SAA4: variants seen among roughly 807,000 people sequenced by gnomAD.
SAA4 encodes serum amyloid A-4 protein.
SAA4 carries 8 observed loss-of-function variants against 11.2 expected under a neutral mutation model. That is an observed-to-expected ratio of 0.71 (90% CI 0.42 to 1.29). The LOEUF (loss-of-function observed/expected upper bound fraction) is 1.29. Among genes scored for constraint, SAA4 ranks in the 50% most tolerant of loss-of-function variants. The probability of loss-of-function intolerance (pLI) is 0.01; values close to 1 mark genes in which losing one functional copy is unlikely to be tolerated. For missense variants in SAA4, 171 were observed against 164.2 expected (o/e 1.04, Z -0.23); for synonymous variants, 60 against 56.2 (o/e 1.07, Z -0.30).
intron 1 of SAA4, 72 bp from the exon 2 acceptor site, chr11:18,236,002 T>C: frequency 1.4e-6 from 2 of 1,381,212 alleles, no homozygotes; most frequent in Non-Finnish European, 2.0e-6. Flanking sequence ...GGACTGAATT[T>C]CTTTCCTTTT....
intron 2 of SAA4, 65 bp downstream of exon 2, chr11:18,235,771 T>C: frequency 6.6e-7 from 1 of 1,504,690 alleles, no homozygotes; most frequent in South Asian, 1.2e-5. Context: ...TCACATCCAG[T>C]GAGTATGTGG....
At chr11:18,231,697 T>C (rs753238824) in intron 3 of SAA4, 33 bp from the exon 4 acceptor site, 107 of 1,590,158 alleles carry the variant, frequency 6.7e-5, no homozygotes, top group Non-Finnish European at 8.0e-5. Flanking sequence ...AGGAGATTAA[T>C]CTCTTGACTC....
chr11:18,232,267 T>A, intron 3 of SAA4, 128 bp downstream of exon 3: 1 of 1,405,328 alleles, frequency 7.1e-7, no homozygotes, highest in Non-Finnish European at 9.6e-7. Context: ...CCAGCCTTGC[T>A]CTGGCTCTGC....
rs372737784 is a variant in SAA4 at position 18,231,644 on chromosome 11, T to C, written c.251A>G (p.Gln84Arg). ...AAATAAATAGCAGTCTATTAATCCC[T>C]GAAGATAGACCCTGGAACGGCTGCA... Reference protein sequence around the residue: ...KLISRSRVYLQGLIDCYLFGN... With the variant: ...KLISRSRVYLRGLIDCYLFGN... Residue 84 changes from glutamine (Q) to arginine (R), a missense_variant, in exon 4 of 4, where the codon CAG (glutamine) becomes CGG (arginine). Physicochemically the swap from Gln to Arg is conservative, Grantham distance 43 (BLOSUM62 1). Coordinates refer to ENST00000278222, the MANE Select transcript of SAA4 (RefSeq NM_006512.4). 7 of 1,613,316 alleles carry C rather than the reference T, an allele frequency of 4.3e-6. No homozygotes were observed. Among genetic ancestry groups the C allele is most frequent in the Non-Finnish European group, 5.9e-6 (7 of 1,179,772 alleles).
Position 18,231,650 on chromosome 11 carries a change from T to C in SAA4, c.245A>G (p.Tyr82Cys), listed in dbSNP as rs151010093. The stretch of plus-strand genomic sequence containing the variant: ...ATAGCAGTCTATTAATCCCTGAAGA[T>C]AGACCCTGGAACGGCTGCAACCCAA... ...AAKLISRSRV[Y>C]LQGLIDCYLF... The change falls in exon 4 of 4, where the codon TAT (tyrosine) becomes TGT (cysteine). Residue 82 changes from tyrosine to cysteine, a missense_variant. Tyr to Cys is a radical substitution (Grantham distance 194). Transcript: ENST00000278222. 5.1e-5 allele frequency: 82 copies of C among 1,613,338 alleles called. No individual in the cohort carries two copies. In the African/African-American group the frequency reaches 9.7e-4, roughly 19 times the overall value.
At chr11:18,235,443 T>C (rs577862749) in intron 2 of SAA4, among the ~76,000 whole-genome samples, 8 of 152,310 alleles carry the variant, frequency 5.3e-5, no homozygotes, top group Admixed American at 4.6e-4. Context: ...GGATGGGATT[T>C]CTCTACTCTC....
At position 18,231,757 on chromosome 11, in the gene SAA4, A is replaced by T; in HGVS notation, c.231-93T>A. The T allele has an allele frequency of 2.1e-6, 3 of 1,454,688 alleles. No homozygotes were observed. The African/African-American group carries it at 4.3e-5, about 21-fold the overall frequency. The allele number at this position is 1,454,688 out of a possible 1,614,324, so 90.1% of individuals were successfully genotyped here. On this transcript the variant is annotated intron_variant, in intron 3 of 3. Transcript: ENST00000278222. ...CCTGCTAACTCCCTCCTCTTCTCCCACCCAAGTAATGACTGAGAGGAGGCT... is the reference window on the plus strand; with the variant it reads ...CCTGCTAACTCCCTCCTCTTCTCCCTCCCAAGTAATGACTGAGAGGAGGCT...
chr11:18,233,388 A>G (rs1857164686), intron 2 of SAA4, among the ~76,000 whole-genome samples: 1 of 152,228 alleles, frequency 6.6e-6, no homozygotes, highest in African/African-American at 2.4e-5. Context: ...CCTATTAGTG[A>G]AGGGCAGTAG....
At chr11:18,231,798 AG>A in intron 3 of SAA4, 134 bp from the exon 4 acceptor site, 1 of 1,147,140 alleles carries the variant, frequency 8.7e-7, no homozygotes, top group Non-Finnish European at 1.2e-6. Flanking sequence ...ACTCAAGGAA[AG>A]GGGAAGAAAA....
In SAA4 at chr11:18,231,500, G is replaced by GCT. The variant is rs1191635795; in HGVS notation, c.393_*1dup. ...TTCCCTGAGAGCAGAGGAGCAGGAA[G>GCT]CTCAGTATTTCTTAGGCAGGCCGTC... is the stretch of plus-strand genomic sequence containing the variant. On this transcript the variant is annotated 3_prime_UTR_variant, in exon 4 of 4. Coordinates refer to ENST00000278222, the MANE Select transcript of SAA4 (RefSeq NM_006512.4). The GCT allele has an allele frequency of 2.5e-6, 4 of 1,611,234 alleles. No homozygotes were observed. The African/African-American group carries it at 5.3e-5, about 22-fold the overall frequency.
Position 18,232,517 on chromosome 11 carries a change from G to A in SAA4, c.108C>T (p.Gly36=), listed in dbSNP as rs766085989. The A allele has an allele frequency of 1.9e-6, 3 of 1,613,834 alleles. No individual in the cohort carries two copies. The East Asian group carries it at 6.7e-5, about 36-fold the overall frequency. ...KEALQGVGDM[G]RAYWDIMISN... is the part of the protein sequence containing the mutation. The stretch of plus-strand genomic sequence containing the variant: ...ATATCATTATGTCCCAATAGGCTCT[G>A]CCCATGTCCCCAACCCCTGGAAAGA... The change falls in exon 3 of 4, where the codon GGC becomes GGT. Residue 36 remains glycine (G), a synonymous_variant. Coordinates refer to ENST00000278222, the MANE Select transcript of SAA4 (RefSeq NM_006512.4).
intron 2 of SAA4, among the ~76,000 whole-genome samples, chr11:18,233,359 T>G (rs1481221974): frequency 6.6e-6 from 1 of 152,188 alleles, no homozygotes; most frequent in African/African-American, 2.4e-5. Context: ...GAATACTTGA[T>G]GCAAATTGGA....
intron 2 of SAA4, among the ~76,000 whole-genome samples, chr11:18,233,644 T>G (rs1343404166): frequency 6.6e-6 from 1 of 151,490 alleles, no homozygotes; most frequent in African/African-American, 2.4e-5. Context: ...CCTGAGTAGC[T>G]GGGACTACAG....
intron 2 of SAA4, 86 bp downstream of exon 2, chr11:18,235,750 C>A: frequency 7.3e-7 from 1 of 1,366,444 alleles, no homozygotes; most frequent in Non-Finnish European, 1.0e-6. Flanking sequence ...TGTGGCTTCT[C>A]TAAGGAGCAC....
At position 18,231,445 on chromosome 11, in the gene SAA4, G is replaced by T; in HGVS notation, c.*57C>A. The stretch of plus-strand genomic sequence containing the variant: ...CTCAGTGACCCTGTGTCCCTGTCTG[G>T]GGGGAGAAGTGTGTGGCTCACAGCC... On this transcript the variant is annotated 3_prime_UTR_variant, in exon 4 of 4. Transcript: ENST00000278222. 3 of 1,581,796 alleles carry T rather than the reference G, an allele frequency of 1.9e-6. No individual in the cohort carries two copies. The highest frequency in any genetic ancestry group is 4.5e-5 in the East Asian group (2 of 44,702).
chr11:18,231,722 G>A (rs1857138016), intron 3 of SAA4, 58 bp from the exon 4 acceptor site: 1 of 1,551,060 alleles, frequency 6.4e-7, no homozygotes, highest in African/African-American at 1.4e-5. Context: ...GCTCACCTGA[G>A]ACAGCTCCAC....
At position 18,232,532 on chromosome 11, in the gene SAA4, C is replaced by G; in HGVS notation, c.93G>C (p.Gly31=). 1.9e-6 allele frequency: 3 copies of G among 1,609,742 alleles called. No individual in the cohort carries two copies. The African/African-American group carries it at 4.0e-5, about 22-fold the overall frequency. ...AATAGGCTCTGCCCATGTCCCCAAC[C>G]CCTGGAAAGAAAAAAAATGACAAAA... ...WRSFFKEALQ[G]VGDMGRAYWD... The change falls in exon 3 of 4, where the codon GGG becomes GGC. Residue 31 remains glycine, a splice_region_variant and synonymous_variant. Coordinates refer to ENST00000278222, the MANE Select transcript of SAA4 (RefSeq NM_006512.4).
rs530101067 is a variant in SAA4, at chr11:18,236,047, TCCTTTCTTTCTTTCCTC to T, written c.-4-134_-4-118del. On this transcript the variant is annotated intron_variant, in intron 1 of 3. Coordinates refer to ENST00000278222, the MANE Select transcript of SAA4 (RefSeq NM_006512.4). ...TTTTTTCCTTTTCTTTCTTTCTCCT[TCCTTTCTTTCTTTCCTC>T]CCTTTCTTTCTTTCTTTTTTTTTTC... The T allele has an allele frequency of 4.8e-3, 5,086 of 1,049,136 alleles. 18 individuals carry two copies. Among genetic ancestry groups the T allele is most frequent in the Non-Finnish European group, 6.0e-3 (4,467 of 739,878 alleles). The allele number at this position is 1,049,136 out of a possible 1,614,324, so 65.0% of individuals were successfully genotyped here. A position where few individuals can be genotyped will look rare whatever the true frequency, so the allele number is the denominator to read the frequency against.
intron 2 of SAA4, among the ~76,000 whole-genome samples, chr11:18,235,548 C>T (rs868505908): frequency 6.6e-6 from 1 of 152,128 alleles, no homozygotes; most frequent in Non-Finnish European, 1.5e-5. Context: ...GAGAAATCTG[C>T]CATCTGTAAA....
Sources: gnomAD v4.1 joint callset for allele counts (sites outside exome capture counted in the v4.1 genomes callset) on GRCh38, gnomAD v4.1.1 for gene constraint, MANE v1.5 for transcripts, NCBI Gene and HGNC (gene_info 2026-07-23, HGNC 2026-07-21) for gene names.